Variants in BAZ2B observed in about 807,000 individuals in gnomAD.
BAZ2B encodes bromodomain adjacent to zinc finger domain protein 2B.
BAZ2B carries 91 observed loss-of-function variants against 246.0 expected under a neutral mutation model. The observed-to-expected ratio is 0.37, with a 90% confidence interval of 0.31 to 0.44. BAZ2B has a LOEUF of 0.44. Among genes scored for constraint, BAZ2B ranks in the 20% least tolerant of loss-of-function variants. BAZ2B has a pLI of 1.00. For synonymous variants in BAZ2B, 855 were observed against 860.0 expected (o/e 0.99, Z 0.10); for missense variants, 2,332 against 2,533.7 (o/e 0.92, Z 1.71).
At chr2:159,450,742 T>C (rs72947550) in intron 4 of BAZ2B, among the ~76,000 whole-genome samples, 5,698 of 68,484 alleles carry the variant, frequency 0.083, 290 homozygotes, top group East Asian at 0.17. Flanking sequence ...CATTTAACTC[T>C]TTTTTTTTTT....
intron 3 of BAZ2B, chr2:159,458,319 A>G (rs1471638971): frequency 7.1e-6 from 1 of 141,142 alleles, no homozygotes; most frequent in African/African-American, 2.7e-5. Flanking sequence ...TTTCTTTTCT[A>G]TTCTTTCTTT....
the BAZ2B span, among the ~76,000 whole-genome samples, chr2:159,645,118 T>C: frequency 1.3e-5 from 2 of 151,792 alleles, no homozygotes; most frequent in South Asian, 4.2e-4. Context: ...CTACAAACAA[T>C]AAAATTAGCC....
chr2:159,480,310 T>G (rs2079089966), intron 2 of BAZ2B, among the ~76,000 whole-genome samples: 1 of 152,086 alleles, frequency 6.6e-6, no homozygotes, highest in Non-Finnish European at 1.5e-5. Context: ...CAGAAGTAAT[T>G]TGGTGACATA....
the BAZ2B span, among the ~76,000 whole-genome samples, chr2:159,634,884 T>C: frequency 6.6e-6 from 1 of 152,214 alleles, no homozygotes; most frequent in Non-Finnish European, 1.5e-5. Context: ...TTCTCTCTTT[T>C]TCCCTCCATA....
chr2:159,681,975 G>A, the BAZ2B span, among the ~76,000 whole-genome samples: 3 of 151,968 alleles, frequency 2.0e-5, no homozygotes, highest in Non-Finnish European at 4.4e-5. Flanking sequence ...TAAAAAGCAC[G>A]TTAAGGAAAC....
the BAZ2B span, among the ~76,000 whole-genome samples, chr2:159,630,083 G>T: frequency 1.3e-5 from 2 of 152,168 alleles, no homozygotes; most frequent in African/African-American, 4.8e-5. Flanking sequence ...CAGTATGTGG[G>T]TATCTCATAA....
intron 2 of BAZ2B, among the ~76,000 whole-genome samples, chr2:159,535,003 A>T (rs1219188485): frequency 3.3e-5 from 5 of 152,204 alleles, no homozygotes; most frequent in Non-Finnish European, 5.9e-5. Flanking sequence ...AACTTGTCTT[A>T]TTTCTTCCAT....
At position 159,530,011 on chromosome 2, in the gene BAZ2B, C is replaced by T. The variant is rs532036583; in HGVS notation, c.-3+25812G>A. 1.1e-3 allele frequency among the ~76,000 whole-genome samples: 172 copies of T among 152,264 alleles called. 1 individual carries two copies. Among genetic ancestry groups the T allele is most frequent in the Middle Eastern group, 3.4e-3 (1 of 294 alleles). Reference sequence around the variant, plus strand: ...AAGTGAGGATTTTGGAAGCTTTCAACTCTAACTTTTCAAACTTTTCTCTTC... The same window carrying T: ...AAGTGAGGATTTTGGAAGCTTTCAATTCTAACTTTTCAAACTTTTCTCTTC... On this transcript the variant is annotated intron_variant, in intron 2 of 36. Transcript: ENST00000392783.
At chr2:159,603,543 C>A (rs1385505134) in intron 1 of BAZ2B, among the ~76,000 whole-genome samples, 2 of 152,132 alleles carry the variant, frequency 1.3e-5, no homozygotes, top group African/African-American at 4.8e-5. Context: ...GAACCCATTT[C>A]TTCCCATTTC....
the BAZ2B span, among the ~76,000 whole-genome samples, chr2:159,702,529 T>C: frequency 8.5e-5 from 13 of 152,056 alleles, no homozygotes; most frequent in African/African-American, 3.1e-4. Flanking sequence ...TTTATTTTAG[T>C]AGTCCTCTAA....
intron 31 of BAZ2B, among the ~76,000 whole-genome samples, chr2:159,343,689 C>A (rs942549017): frequency 1.4e-5 from 2 of 147,698 alleles, no homozygotes; most frequent in Non-Finnish European, 3.0e-5. Flanking sequence ...ATCAAAGCCA[C>A]AATGAGATAT....
At chr2:159,428,184 C>T in intron 12 of BAZ2B, 127 bp downstream of exon 12, 1 of 1,086,824 alleles carries the variant, frequency 9.2e-7, no homozygotes, top group Non-Finnish European at 1.3e-6. Context: ...AGGTTAAGTA[C>T]AATAGTCCCA....
At chr2:159,680,850 G>A in the BAZ2B span, among the ~76,000 whole-genome samples, 1 of 152,138 alleles carries the variant, frequency 6.6e-6, no homozygotes, top group African/African-American at 2.4e-5. Flanking sequence ...GAGTTATATT[G>A]GCCCAGCAGA....
At chr2:159,472,603 A>G (rs2077951102) in intron 3 of BAZ2B, among the ~76,000 whole-genome samples, 1 of 152,230 alleles carries the variant, frequency 6.6e-6, no homozygotes, top group African/African-American at 2.4e-5. Context: ...CCCATTCAGT[A>G]TGATATTGGC....
chr2:159,496,232 C>T (rs2081119252), intron 2 of BAZ2B, among the ~76,000 whole-genome samples: 1 of 148,542 alleles, frequency 6.7e-6, no homozygotes, highest in African/African-American at 2.5e-5. Flanking sequence ...AAAAACTAGC[C>T]AGGCGTGATG....
At chr2:159,596,227 G>GT (rs1690675639) in intron 1 of BAZ2B, among the ~76,000 whole-genome samples, 3 of 152,306 alleles carry the variant, frequency 2.0e-5, no homozygotes, top group Middle Eastern at 3.4e-3. Flanking sequence ...TACATAGGTT[G>GT]TAAGTCTTGA....
chr2:159,630,331 C>A, the BAZ2B span, among the ~76,000 whole-genome samples: 547 of 151,626 alleles, frequency 3.6e-3, 4 homozygotes, highest in African/African-American at 0.012. Context: ...TCAAAAAAAC[C>A]AAAAAAACAA....
At position 159,349,806 on chromosome 2, in the gene BAZ2B, G is replaced by A; in HGVS notation, c.4765C>T (p.Gln1589Ter). 1.2e-6 allele frequency: 2 copies of A among 1,614,168 alleles called. No individual in the cohort carries two copies. Among genetic ancestry groups the A allele is most frequent in the Non-Finnish European group, 1.7e-6 (2 of 1,179,974 alleles). ...GGTGAAGGTGACTTAGATGGTGGCT[G>A]AGACTGAGGAGTCACCAAAGAAGCA... is the stretch of plus-strand genomic sequence containing the variant. ...STASLVTPQS[Q>*]PPSKSPSPTP... The change falls in exon 28 of 37, where the codon CAG (glutamine) becomes TAG (stop). Residue 1589 changes from glutamine (Q) to a stop codon, truncating the protein, a stop_gained. Coordinates refer to ENST00000392783, the MANE Select transcript of BAZ2B (RefSeq NM_013450.4). LOFTEE classifies it high-confidence loss of function.
At chr2:159,585,433 AT>A (rs1687814042) in intron 1 of BAZ2B, among the ~76,000 whole-genome samples, 1 of 152,252 alleles carries the variant, frequency 6.6e-6, no homozygotes, top group South Asian at 2.1e-4. Flanking sequence ...ACATAAAAAA[AT>A]ATGGCAAATG....
Sources: allele counts gnomAD v4.1 joint callset (sites outside exome capture counted in the v4.1 genomes callset), GRCh38; gene constraint gnomAD v4.1.1; transcripts MANE v1.5; gene names NCBI Gene and HGNC (gene_info 2026-07-23, HGNC 2026-07-21).